The following NOMO3 variants were observed in gnomAD, a reference collection of about 807,000 sequenced individuals.
The protein encoded by NOMO3 is BOS complex subunit NOMO3.
In NOMO3, 15 loss-of-function variants were observed where a neutral mutation model predicts 69.9. That is an observed-to-expected ratio of 0.21 (90% confidence interval 0.14 to 0.33). The LOEUF (loss-of-function observed/expected upper bound fraction) is 0.33. Among genes scored for constraint, NOMO3 ranks in the 10% least tolerant of loss-of-function variants. NOMO3 has a pLI of 1.00. For synonymous variants in NOMO3, 89 were observed against 301.9 expected (o/e 0.29, Z 7.31); for missense variants, 218 against 761.0 (o/e 0.29, Z 8.39).
At chr16:16,264,718 T>C (rs200152761) in intron 14 of NOMO3, among the ~76,000 whole-genome samples, 31,442 of 128,938 alleles carry the variant, frequency 0.24, 2,152 homozygotes, top group South Asian at 0.35. Flanking sequence ...TGGATAACTT[T>C]TGTATTTTTA....
At chr16:16,234,866 A>G (rs55704908) in intron 1 of NOMO3, among the ~76,000 whole-genome samples, 3,041 of 152,204 alleles carry the variant, frequency 0.02, 53 homozygotes, top group Non-Finnish European at 0.028. Flanking sequence ...AACAATCAGC[A>G]GGTTTCACAT....
intron 2 of NOMO3, among the ~76,000 whole-genome samples, chr16:16,238,282 G>C (rs1015697092): frequency 1.5e-5 from 2 of 136,886 alleles, no homozygotes; most frequent in African/African-American, 6.1e-5. Flanking sequence ...AGCCAGGCTG[G>C]AGTGCAGTGG....
intron 1 of NOMO3, among the ~76,000 whole-genome samples, chr16:16,234,812 T>C (rs2141244497): frequency 6.6e-6 from 1 of 151,010 alleles, no homozygotes; most frequent in East Asian, 1.9e-4. Flanking sequence ...AACAGGGACC[T>C]TACTGTTAAA....
Position 16,261,578 on chromosome 16 carries a change from C to A in NOMO3, c.1297C>A (p.Leu433Met), listed in dbSNP as rs201911586. 55 of 1,584,700 alleles carry A rather than the reference C, an allele frequency of 3.5e-5. No homozygotes were observed. The highest frequency in any genetic ancestry group is 4.6e-5 in the Non-Finnish European group (54 of 1,175,744). ...VKQMNKYKVV[L>M]SSQDKDKSLV... ...GCAGATGAATAAATACAAAGTTGTCCTGTCATCTCAAGACAAGGACAAGTC... is the reference window on the plus strand; with the variant it reads ...GCAGATGAATAAATACAAAGTTGTCATGTCATCTCAAGACAAGGACAAGTC... Residue 433 changes from leucine (L) to methionine (M), a missense_variant, in exon 12 of 31, where the codon CTG (leucine) becomes ATG (methionine). Coordinates refer to ENST00000399336, the MANE Select transcript of NOMO3 (RefSeq NM_001004067.4).
At chr16:16,291,836 TTTTA>T (rs1302552000) in intron 29 of NOMO3, among the ~76,000 whole-genome samples, 4 of 79,730 alleles carry the variant, frequency 5.0e-5, no homozygotes, top group Admixed American at 3.4e-4. Context: ...TGAATTAAAC[TTTTA>T]TTTATTTATT....
intron 13 of NOMO3, 82 bp from the exon 14 acceptor site, chr16:16,263,431 G>A: frequency 1.0e-6 from 1 of 988,840 alleles, no homozygotes; most frequent in Non-Finnish European, 1.5e-6. Context: ...GTAGCAAGAA[G>A]CTATTACATA....
rs189797772 is a variant in NOMO3, at chr16:16,258,720, C to T, written c.1220+2562C>T. ...CTGTACTAAAGATACAAAAGGTTGG[C>T]GGGGCATGGTGATGCGCGCCTATAA... On this transcript the variant is annotated intron_variant, in intron 11 of 30. Transcript: ENST00000399336. Among the ~76,000 whole-genome samples, 988 of 143,092 alleles carry T rather than the reference C, an allele frequency of 6.9e-3. 194 individuals carry two copies. The highest frequency in any genetic ancestry group is 0.026 in the African/African-American group (889 of 34,706). 93.9% of individuals were successfully genotyped at this position (143,092 alleles called of 152,430 possible). A position where few individuals can be genotyped will look rare whatever the true frequency, so the allele number is the denominator to read the frequency against.
chr16:16,243,828 T>C (rs2049394109), intron 4 of NOMO3, among the ~76,000 whole-genome samples: 1 of 142,148 alleles, frequency 7.0e-6, no homozygotes, highest in Non-Finnish European at 1.5e-5. Context: ...CCAGCCGCTG[T>C]TAGCGTTTAT....
intron 11 of NOMO3, among the ~76,000 whole-genome samples, chr16:16,256,414 TACA>T (rs764048905): frequency 2.1e-5 from 2 of 95,668 alleles, no homozygotes; most frequent in Non-Finnish European, 3.7e-5. Context: ...TAGCTGGGAC[TACA>T]GGCGTGCCCC....
intron 18 of NOMO3, among the ~76,000 whole-genome samples, chr16:16,272,728 A>C: frequency 2.2e-5 from 3 of 136,970 alleles, no homozygotes; most frequent in East Asian, 2.2e-4. Context: ...TTCCCTTCTC[A>C]CCACGTGGCC....
chr16:16,246,709 A>AG (rs1409774963), intron 5 of NOMO3, among the ~76,000 whole-genome samples: 2 of 114,628 alleles, frequency 1.7e-5, no homozygotes, highest in Non-Finnish European at 3.3e-5. Flanking sequence ...ACAAATTTGA[A>AG]GGGATAAACA....
At chr16:16,254,616 T>A (rs2141254371) in intron 9 of NOMO3, among the ~76,000 whole-genome samples, 1 of 143,444 alleles carries the variant, frequency 7.0e-6, no homozygotes. Flanking sequence ...ATTGAGTGCC[T>A]GCTGTGTACC....
Position 16,263,475 on chromosome 16 carries a change from A to G in NOMO3, c.1538-38A>G, listed in dbSNP as rs769791856. On this transcript the variant is annotated intron_variant, in intron 13 of 30. Coordinates refer to ENST00000399336, the MANE Select transcript of NOMO3 (RefSeq NM_001004067.4). ...ATTCGAACCTGTGCTGAAGCCTTAT[A>G]AGGGGTCACATGGAGCCCTCCCTTC... is the stretch of plus-strand genomic sequence containing the variant. 1.1e-5 allele frequency: 9 copies of G among 819,106 alleles called. 2 individuals are homozygous for G. The highest frequency in any genetic ancestry group is 3.7e-4 in the Middle Eastern group (1 of 2,670). 50.7% of individuals were successfully genotyped at this position (819,106 alleles called of 1,614,324 possible).
intron 2 of NOMO3, among the ~76,000 whole-genome samples, chr16:16,237,931 T>C (rs1225963542): frequency 2.1e-5 from 3 of 144,774 alleles, no homozygotes; most frequent in Admixed American, 6.8e-5. Context: ...CACATGCATA[T>C]GTATATATGG....
In NOMO3 at chr16:16,237,283, A is replaced by G. The variant is rs915278935; in HGVS notation, c.255+293A>G. On this transcript the variant is annotated intron_variant, in intron 2 of 30. Coordinates refer to ENST00000399336, the MANE Select transcript of NOMO3 (RefSeq NM_001004067.4). ...TGAGTAGTGGCCAGGCGTGGAGCTA[A>G]ATGTGCTACAGTGCTGCCTACGACA... Among the ~76,000 whole-genome samples, 13 of 144,270 alleles carry G rather than the reference A, an allele frequency of 9.0e-5. 2 individuals are homozygous for G. The highest frequency in any genetic ancestry group is 2.0e-4 in the Admixed American group (3 of 14,802). 94.6% of individuals were successfully genotyped at this position (144,270 alleles called of 152,430 possible).
chr16:16,256,006 A>G lies in NOMO3; in HGVS notation c.1070-2A>G. Reference sequence around the variant, plus strand: ...TTCTGTTTGTGTGTTTTTGTTTTACAGTTAAAACAAAAGCTGATGGCTCAT... The same window carrying G: ...TTCTGTTTGTGTGTTTTTGTTTTACGGTTAAAACAAAAGCTGATGGCTCAT... On this transcript the variant is annotated splice_acceptor_variant, in intron 10 of 30. Transcript: ENST00000399336. LOFTEE classifies it high-confidence loss of function. 6.3e-7 allele frequency: 1 copy of G among 1,581,840 alleles called. No individual in the cohort carries two copies. The highest frequency in any genetic ancestry group is 1.7e-5 in the African/African-American group (1 of 59,620).
At chr16:16,264,640 TG>T (rs2049593076) in intron 14 of NOMO3, among the ~76,000 whole-genome samples, 1 of 130,474 alleles carries the variant, frequency 7.7e-6, no homozygotes, top group Non-Finnish European at 1.6e-5. Context: ...CTCCGCCTTC[TG>T]GGTGCAGGAG....
In NOMO3 at chr16:16,260,352, A is replaced by G. The variant is rs552269364; in HGVS notation, c.1221-1150A>G. On this transcript the variant is annotated intron_variant, in intron 11 of 30. Coordinates refer to ENST00000399336, the MANE Select transcript of NOMO3 (RefSeq NM_001004067.4). ...TTGATTTTTTTTTTTAACTTTAACC[A>G]CTTAAGAGTGTAAAATTCTTTTTCT... Among the ~76,000 whole-genome samples, 55 of 140,394 alleles carry G rather than the reference A, an allele frequency of 3.9e-4. 3 individuals carry two copies. In the South Asian group the frequency reaches 6.2e-3, roughly 16 times the overall value. 92.1% of individuals were successfully genotyped at this position (140,394 alleles called of 152,430 possible). A position where few individuals can be genotyped will look rare whatever the true frequency, so the allele number is the denominator to read the frequency against.
intron 2 of NOMO3, among the ~76,000 whole-genome samples, chr16:16,238,906 C>T (rs1191217565): frequency 5.3e-5 from 7 of 132,468 alleles, no homozygotes; most frequent in South Asian, 4.7e-4. Context: ...GGTGCAACCC[C>T]GTCTCTACTA....
Sources: gnomAD v4.1 joint callset for allele counts (sites outside exome capture counted in the v4.1 genomes callset) on GRCh38, gnomAD v4.1.1 for gene constraint, MANE v1.5 for transcripts, NCBI Gene and HGNC (gene_info 2026-07-23, HGNC 2026-07-21) for gene names.